The following AXL variants were observed in gnomAD, a reference collection of about 807,000 sequenced individuals.
The protein encoded by AXL is tyrosine-protein kinase receptor UFO.
A neutral mutation model predicts 104.5 loss-of-function variants in AXL; 52 were observed. The ratio of observed to expected loss-of-function variants is 0.50; its 90% confidence interval spans 0.40 to 0.63. The LOEUF (loss-of-function observed/expected upper bound fraction) is 0.63. Ranked by LOEUF, AXL falls within the 20% of genes least tolerant of loss-of-function variation. The pLI is 0.00. For missense variants in AXL, 1,024 were observed against 1,188.5 expected, an observed-to-expected ratio of 0.86 and a Z score of 2.04; for synonymous variants, 455 against 473.7, an observed-to-expected ratio of 0.96 and a Z score of 0.51.
Position 41,238,473 on chromosome 19 carries a change from C to T in AXL, c.998C>T (p.Pro333Leu). ...WLPVETPEGV[P>L]LGPPENISAT... ...TCCCCTCTTCCCTGTCCTCCAGTGCCCCTGGGCCCCCCTGAGAACATTAGT... is the reference window on the plus strand; with the variant it reads ...TCCCCTCTTCCCTGTCCTCCAGTGCTCCTGGGCCCCCCTGAGAACATTAGT... The change falls in exon 8 of 20, where the codon CCC becomes CTC. Residue 333 changes from proline (P) to leucine (L), a missense_variant. Physicochemically the swap from Pro to Leu is moderately conservative, Grantham distance 98. Around this residue, in one of 5 missense-constraint regions of AXL, gnomAD observed 332 missense variants for 343.9 expected, o/e 0.97. Coordinates refer to ENST00000301178, the MANE Select transcript of AXL (RefSeq NM_021913.5). 1 of 1,610,480 alleles carries T rather than the reference C, an allele frequency of 6.2e-7. No individual in the cohort carries two copies. Among genetic ancestry groups the T allele is most frequent in the Non-Finnish European group, 8.5e-7 (1 of 1,177,228 alleles).
At chr19:41,230,868 C>T in intron 4 of AXL, 99 bp from the exon 5 acceptor site, 2 of 1,279,954 alleles carry the variant, frequency 1.6e-6, no homozygotes, top group Middle Eastern at 2.5e-4. Context: ...GCTGCACTGC[C>T]CCTGGTCAGG....
At position 41,231,259 on chromosome 19, in the gene AXL, C is replaced by T. The variant is rs751290925; in HGVS notation, c.744C>T (p.Gly248=). The T allele has an allele frequency of 3.1e-6, 5 of 1,613,682 alleles. No homozygotes were observed. The East Asian group carries it at 6.7e-5, about 22-fold the overall frequency. The change falls in exon 6 of 20, where the codon GGC becomes GGT. Residue 248 remains glycine (G), a synonymous_variant. Coordinates refer to ENST00000301178, the MANE Select transcript of AXL (RefSeq NM_021913.5). ...PTELEVAWTP[G]LSGIYPLTHC... is the part of the protein sequence containing the mutation. ...AGCTGGAGGTGGCTTGGACTCCAGG[C>T]CTGAGCGGCATCTACCCCCTGACCC...
At chr19:41,252,295 A>T in intron 14 of AXL, 56 bp from the exon 15 acceptor site, 1 of 1,364,442 alleles carries the variant, frequency 7.3e-7, no homozygotes. Context: ...GTGGAGGTGG[A>T]GGGAGAGTCC....
In AXL at chr19:41,259,633, A is replaced by G; in HGVS notation, c.2414A>G (p.Asn805Ser). The G allele has an allele frequency of 6.2e-7, 1 of 1,614,056 alleles. No individual in the cohort carries two copies. The highest frequency in any genetic ancestry group is 1.1e-5 in the South Asian group (1 of 91,078). Residue 805 changes from asparagine to serine, a missense_variant, in exon 20 of 20, where the codon AAC (asparagine) becomes AGC (serine). Around this residue, in one of 5 missense-constraint regions of AXL, gnomAD observed 523 missense variants for 636.0 expected, o/e 0.82. Transcript: ENST00000301178. ...SFTELREDLE[N>S]TLKALPPAQE... ...ACAGAGCTGCGGGAAGATTTGGAGA[A>G]CACACTGAAGGCCTTGCCTCCTGCC...
chr19:41,224,767 T>C (rs2033849255), intron 4 of AXL, among the ~76,000 whole-genome samples: 1 of 151,700 alleles, frequency 6.6e-6, no homozygotes, highest in African/African-American at 2.4e-5. Flanking sequence ...AGCATGTTGG[T>C]GTATGACTGT....
chr19:41,237,847 G>C (rs550646273), intron 6 of AXL, 97 bp from the exon 7 acceptor site: 2 of 1,183,662 alleles, frequency 1.7e-6, no homozygotes, highest in Admixed American at 2.0e-5. Context: ...CCCTTGAAAA[G>C]TTGTGTAGTC....
chr19:41,254,582 A>G lies in AXL; in HGVS notation c.2036+874A>G, dbSNP rs1230728913. Among the ~76,000 whole-genome samples the G allele has an allele frequency of 2.0e-5, 3 of 151,946 alleles. No individual in the cohort carries two copies. In the East Asian group the frequency reaches 5.8e-4, roughly 29 times the overall value. On this transcript the variant is annotated intron_variant, in intron 17 of 19. Coordinates refer to ENST00000301178, the MANE Select transcript of AXL (RefSeq NM_021913.5). ...TCCCCCAAAAGCCAGAATAGAGGGT[A>G]AGGGGAGGGTAGAAGGTGGAGGGAA...
intron 1 of AXL, 78 bp from the exon 2 acceptor site, chr19:41,220,558 C>CA (rs1474467515): frequency 1.6e-6 from 2 of 1,285,718 alleles, no homozygotes; most frequent in Non-Finnish European, 2.1e-6. Flanking sequence ...CGCCGGTGGG[C>CA]AGGCAAGGAC....
chr19:41,234,697 G>A (rs1400091663), intron 6 of AXL, among the ~76,000 whole-genome samples: 4 of 152,198 alleles, frequency 2.6e-5, no homozygotes, highest in Non-Finnish European at 5.9e-5. Context: ...GAGACTCAGA[G>A]AAGTTAAGAC....
intron 17 of AXL, among the ~76,000 whole-genome samples, chr19:41,255,483 T>C (rs1297444296): frequency 1.3e-5 from 2 of 151,740 alleles, no homozygotes; most frequent in African/African-American, 2.4e-5. Context: ...CTCTGTCCTT[T>C]AGGGTGGGGT....
Position 41,252,839 on chromosome 19 carries a change from G to T in AXL, c.1805-7G>T. Reference sequence around the variant, plus strand: ...GCAGGAGTGACAGGGCTACCTGGGGGGCTCAGGTGTCTGTTTCCAGGGTTC... The same window carrying T: ...GCAGGAGTGACAGGGCTACCTGGGGTGCTCAGGTGTCTGTTTCCAGGGTTC... On this transcript the variant is annotated splice_polypyrimidine_tract_variant and splice_region_variant and intron_variant, in intron 15 of 19. Coordinates refer to ENST00000301178, the MANE Select transcript of AXL (RefSeq NM_021913.5). The T allele has an allele frequency of 6.2e-7, 1 of 1,613,738 alleles. No individual in the cohort carries two copies. The highest frequency in any genetic ancestry group is 8.5e-7 in the Non-Finnish European group (1 of 1,179,982).
chr19:41,220,314 G>C (rs142509597), intron 1 of AXL: 11 of 239,920 alleles, frequency 4.6e-5, no homozygotes, highest in Admixed American at 2.1e-4. Context: ...GCACCAGCGC[G>C]ACCTGTTAAG....
At chr19:41,239,861 C>T in intron 10 of AXL, 141 bp downstream of exon 10, 1 of 1,258,122 alleles carries the variant, frequency 7.9e-7, no homozygotes, top group Admixed American at 1.7e-5. Flanking sequence ...TTGTGTGGTC[C>T]TTGATGGAGG....
intron 3 of AXL, chr19:41,221,598 C>G (rs930671708): frequency 2.0e-6 from 1 of 512,736 alleles, no homozygotes; most frequent in Non-Finnish European, 3.4e-6. Context: ...CCAGCGGTCT[C>G]TTTTTTCTCA....
rs1269282239 is a variant in AXL at position 41,259,782 on chromosome 19, C to T, written c.2563C>T (p.Leu855Phe). The change falls in exon 20 of 20, where the codon CTC (leucine) becomes TTC (phenylalanine). Residue 855 changes from leucine (L) to phenylalanine (F), a missense_variant. This residue lies in a region of AXL where 523 missense variants were observed against 636.0 expected (regional missense o/e 0.82). Transcript: ENST00000301178. ...QPDPKDSCSC[L>F]TAAEVHPAGR... Reference sequence around the variant, plus strand: ...AGACCCTAAGGATTCCTGTAGCTGCCTCACTGCGGCTGAGGTCCATCCTGC... The same window carrying T: ...AGACCCTAAGGATTCCTGTAGCTGCTTCACTGCGGCTGAGGTCCATCCTGC... 1.2e-6 allele frequency: 2 copies of T among 1,613,974 alleles called. No homozygotes were observed. Among genetic ancestry groups the T allele is most frequent in the African/African-American group, 2.7e-5 (2 of 74,888 alleles).
intron 4 of AXL, among the ~76,000 whole-genome samples, chr19:41,228,902 T>C (rs895977062): frequency 6.6e-6 from 1 of 152,178 alleles, no homozygotes; most frequent in African/African-American, 2.4e-5. Flanking sequence ...GAAGCTCCAA[T>C]TAGCTCCAAT....
At chr19:41,258,006 A>T (rs1422982573) in intron 19 of AXL, among the ~76,000 whole-genome samples, 1 of 152,196 alleles carries the variant, frequency 6.6e-6, no homozygotes, top group African/African-American at 2.4e-5. Flanking sequence ...CATGCTCCTC[A>T]ACACCTGAGA....
chr19:41,220,680 A>G lies in AXL; in HGVS notation c.130A>G (p.Ile44Val), dbSNP rs770570685. 162 of 1,609,054 alleles carry G rather than the reference A, an allele frequency of 1.0e-4. No individual in the cohort carries two copies. Among genetic ancestry groups the G allele is most frequent in the Non-Finnish European group, 1.3e-4 (153 of 1,177,814 alleles). ...ESPFVGNPGN[I>V]TGARGLTGTL... The stretch of plus-strand genomic sequence containing the variant: ...TCCCTTCGTGGGCAACCCAGGGAAT[A>G]TCACAGGTGCCCGGGGACTCACGGG... The change falls in exon 2 of 20, where the codon ATC (isoleucine) becomes GTC (valine). Residue 44 changes from isoleucine (I) to valine (V), a missense_variant. By Grantham distance (29) the Ile-to-Val change is conservative. Around this residue, in one of 5 missense-constraint regions of AXL, gnomAD observed 124 missense variants for 115.5 expected, o/e 1.07. Transcript: ENST00000301178.
chr19:41,239,556 A>C (rs1353086162), intron 9 of AXL, 138 bp from the exon 10 acceptor site: 15 of 1,217,656 alleles, frequency 1.2e-5, no homozygotes, highest in Middle Eastern at 1.9e-4. Context: ...TCACTCCCTT[A>C]CCCGTGCCAA....
Sources: allele counts gnomAD v4.1 joint callset (sites outside exome capture counted in the v4.1 genomes callset), GRCh38; gene constraint gnomAD v4.1.1; regional missense constraint gnomAD v4.1.1; transcripts MANE v1.5; gene names NCBI Gene and HGNC (gene_info 2026-07-23, HGNC 2026-07-21).